NRG3: variants seen among roughly 807,000 people sequenced by gnomAD.
The protein encoded by NRG3 is neuregulin 3, also known as pro-neuregulin-3, membrane-bound isoform.
In NRG3, 31 loss-of-function variants were observed where a neutral mutation model predicts 66.9. The ratio of observed to expected loss-of-function variants is 0.46; its 90% CI spans 0.35 to 0.63. The LOEUF (loss-of-function observed/expected upper bound fraction) is 0.63, where lower values mean the gene tolerates loss of function less well. Among genes scored for constraint, NRG3 ranks in the 20% least tolerant of loss-of-function variants. The probability of loss-of-function intolerance (pLI) is 0.00; values close to 1 mark genes in which losing one functional copy is unlikely to be tolerated. For synonymous variants in NRG3, 393 were observed against 359.4 expected (o/e 1.09, Z -1.06); for missense variants, 910 against 878.9 (o/e 1.04, Z -0.45).
chr10:82,944,389 T>A (rs557850019), intron 4 of NRG3, among the ~76,000 whole-genome samples: 3 of 152,364 alleles, frequency 2.0e-5, no homozygotes, highest in Non-Finnish European at 4.4e-5. Context: ...GTAGACAGAT[T>A]ATTATACGCA....
At chr10:82,202,868 T>C (rs2074917928) in intron 1 of NRG3, among the ~76,000 whole-genome samples, 1 of 152,216 alleles carries the variant, frequency 6.6e-6, no homozygotes, top group South Asian at 2.1e-4. Context: ...TAAAAATTAC[T>C]GAATGCTATT....
intron 3 of NRG3, among the ~76,000 whole-genome samples, chr10:82,826,489 A>G (rs574140336): frequency 6.6e-6 from 1 of 152,242 alleles, no homozygotes; most frequent in South Asian, 2.1e-4. Flanking sequence ...CCTGGGTGTT[A>G]GGAAACACAC....
intron 4 of NRG3, among the ~76,000 whole-genome samples, chr10:82,871,379 T>C (rs1448022343): frequency 1.3e-5 from 2 of 152,116 alleles, no homozygotes; most frequent in East Asian, 3.9e-4. Context: ...CTTTGTCTTT[T>C]AATGTTGTGT....
At chr10:82,749,788 T>A (rs112852165) in intron 3 of NRG3, among the ~76,000 whole-genome samples, 4,653 of 131,586 alleles carry the variant, frequency 0.035, 265 homozygotes, top group African/African-American at 0.14. Flanking sequence ...AAGGAAGCAC[T>A]GAAAAAAAAA....
intron 2 of NRG3, among the ~76,000 whole-genome samples, chr10:82,590,332 T>C (rs2046909946): frequency 6.6e-6 from 1 of 152,196 alleles, no homozygotes; most frequent in African/African-American, 2.4e-5. Flanking sequence ...CATTAGCCCC[T>C]AGGGTAATTT....
At chr10:82,296,961 T>G (rs1591540) in intron 1 of NRG3, among the ~76,000 whole-genome samples, 72,223 of 151,940 alleles carry the variant, frequency 0.48, 20,739 homozygotes, top group African/African-American at 0.81. Flanking sequence ...GGAGTCCCCA[T>G]TGTCTATTGT....
chr10:82,449,554 G>A (rs1298990745), intron 2 of NRG3, among the ~76,000 whole-genome samples: 3 of 152,116 alleles, frequency 2.0e-5, no homozygotes, highest in Non-Finnish European at 4.4e-5. Context: ...AACAGAGAAC[G>A]AATAACTTGA....
chr10:81,914,313 C>T (rs1279052274), intron 1 of NRG3, among the ~76,000 whole-genome samples: 3 of 152,236 alleles, frequency 2.0e-5, no homozygotes, highest in South Asian at 2.1e-4. Flanking sequence ...ACCATGCCCA[C>T]GTATTCTTTT....
chr10:82,309,758 A>T (rs1244504308), intron 1 of NRG3, among the ~76,000 whole-genome samples: 2 of 152,206 alleles, frequency 1.3e-5, no homozygotes, highest in Admixed American at 6.5e-5. Context: ...AAGTCCTGGA[A>T]TCACAGTGTC....
intron 2 of NRG3, among the ~76,000 whole-genome samples, chr10:82,464,219 T>G (rs1201409502): frequency 2.0e-5 from 3 of 152,074 alleles, no homozygotes; most frequent in Non-Finnish European, 4.4e-5. Context: ...CTAAATAAGA[T>G]CCAAGCAGTA....
chr10:82,245,914 A>C (rs532415923), intron 1 of NRG3, among the ~76,000 whole-genome samples: 1 of 149,448 alleles, frequency 6.7e-6, no homozygotes, highest in South Asian at 2.1e-4. Context: ...CCTACTTTAC[A>C]CTTTGAAAAA....
At chr10:82,047,313 T>C (rs1253864451) in intron 1 of NRG3, among the ~76,000 whole-genome samples, 1 of 151,640 alleles carries the variant, frequency 6.6e-6, no homozygotes, top group Non-Finnish European at 1.5e-5. Context: ...TTCACCAAAG[T>C]TGAAATGAAG....
chr10:82,338,415 C>T (rs1271299070), intron 1 of NRG3, among the ~76,000 whole-genome samples: 1 of 152,222 alleles, frequency 6.6e-6, no homozygotes, highest in Non-Finnish European at 1.5e-5. Context: ...CTAGACACCA[C>T]TCTCCCCTGC....
intron 5 of NRG3, among the ~76,000 whole-genome samples, chr10:82,955,815 ACAC>A (rs1317572015): frequency 6.6e-6 from 1 of 151,856 alleles, no homozygotes; most frequent in African/African-American, 2.4e-5. Flanking sequence ...TTGCCAGCAA[ACAC>A]CGGTGAAGAG....
At chr10:82,398,822 A>T (rs140453031) in intron 2 of NRG3, among the ~76,000 whole-genome samples, 107 of 152,260 alleles carry the variant, frequency 7.0e-4, no homozygotes, top group African/African-American at 2.3e-3. Context: ...AGGACCTGCC[A>T]TGATGCCCTG....
intron 2 of NRG3, among the ~76,000 whole-genome samples, chr10:82,684,706 C>T (rs993273570): frequency 2.6e-5 from 4 of 151,754 alleles, no homozygotes; most frequent in African/African-American, 4.8e-5. Context: ...ACAGTGGTCT[C>T]GATAAAAGTT....
rs528804017 is a variant in NRG3 at position 82,618,890 on chromosome 10, A to AT, written c.954-119683dup. ...TGTTTAAAGTTTGTAGCAGTGCAAA[A>AT]TTTTAACATATTTCTTTCTGAATGG... On this transcript the variant is annotated intron_variant, in intron 2 of 8. Transcript: ENST00000372141. 2.0e-3 allele frequency among the ~76,000 whole-genome samples: 303 copies of AT among 151,870 alleles called. 1 individual carries two copies. Among genetic ancestry groups the AT allele is most frequent in the African/African-American group, 7.0e-3 (291 of 41,514 alleles).
At chr10:82,689,662 G>T (rs1164177113) in intron 2 of NRG3, among the ~76,000 whole-genome samples, 1 of 152,182 alleles carries the variant, frequency 6.6e-6, no homozygotes, top group Non-Finnish European at 1.5e-5. Context: ...TGGAGGGGGA[G>T]AATACTCAAT....
At chr10:82,222,419 A>C (rs1352427020) in intron 1 of NRG3, among the ~76,000 whole-genome samples, 2 of 152,110 alleles carry the variant, frequency 1.3e-5, no homozygotes, top group Non-Finnish European at 2.9e-5. Flanking sequence ...CAAGTATTCC[A>C]TATGGGACAG....
Sources: gnomAD v4.1 joint callset for allele counts (sites outside exome capture counted in the v4.1 genomes callset) on GRCh38, gnomAD v4.1.1 for gene constraint, MANE v1.5 for transcripts, NCBI Gene and HGNC (gene_info 2026-07-23, HGNC 2026-07-21) for gene names.